The following PI4K2B variants were observed in gnomAD, a reference collection of about 807,000 sequenced individuals.
PI4K2B encodes the protein phosphatidylinositol 4-kinase type 2 beta.
PI4K2B carries 46 observed loss-of-function variants against 56.6 expected under a neutral mutation model. The observed-to-expected ratio is 0.81, with a 90% CI of 0.64 to 1.04. The LOEUF (loss-of-function observed/expected upper bound fraction) is 1.04, where lower values mean the gene tolerates loss of function less well. Ranked by LOEUF, PI4K2B falls within the 50% of genes least tolerant of loss-of-function variation. The probability of loss-of-function intolerance (pLI) is 0.00; values close to 1 mark genes in which losing one functional copy is unlikely to be tolerated. For synonymous variants in PI4K2B, 211 were observed against 223.8 expected (o/e 0.94, Z 0.51); for missense variants, 556 against 607.7 (o/e 0.91, Z 0.89).
intron 1 of PI4K2B, among the ~76,000 whole-genome samples, chr4:25,245,120 A>G (rs1019553406): frequency 2.6e-5 from 4 of 152,156 alleles, no homozygotes; most frequent in Non-Finnish European, 4.4e-5. Flanking sequence ...TAGGCCTATT[A>G]GTCTGAGGAG....
At chr4:25,253,499 T>G (rs1216784915) in intron 2 of PI4K2B, among the ~76,000 whole-genome samples, 1 of 152,232 alleles carries the variant, frequency 6.6e-6, no homozygotes, top group African/African-American at 2.4e-5. Context: ...AAGATTAAAA[T>G]GTATTTGAAG....
Position 25,260,504 on chromosome 4 carries a change from TTTC to T in PI4K2B, c.911-17_911-15del. The T allele has an allele frequency of 8.1e-7, 1 of 1,236,278 alleles. No individual in the cohort carries two copies. The highest frequency in any genetic ancestry group is 1.1e-6 in the Non-Finnish European group (1 of 901,740). 76.6% of individuals were successfully genotyped at this position (1,236,278 alleles called of 1,614,324 possible). A position where few individuals can be genotyped will look rare whatever the true frequency, so the allele number is the denominator to read the frequency against. On this transcript the variant is annotated splice_polypyrimidine_tract_variant and intron_variant, in intron 5 of 9. Coordinates refer to ENST00000264864, the MANE Select transcript of PI4K2B (RefSeq NM_018323.4). ...TGTCCATAGAAATGAAGTAACAGAT[TTTC>T]TTGTTTGTTTTGAAAGACAGGGGCA...
chr4:25,234,544 C>T, intron 1 of PI4K2B, 113 bp downstream of exon 1: 1 of 736,130 alleles, frequency 1.4e-6, no homozygotes, highest in Non-Finnish European at 1.9e-6. Context: ...TTTCCCCGCT[C>T]GCTGGGCAGC....
chr4:25,237,381 G>A (rs1715309858), intron 1 of PI4K2B, among the ~76,000 whole-genome samples: 1 of 151,528 alleles, frequency 6.6e-6, no homozygotes, highest in African/African-American at 2.4e-5. Context: ...GGCTGTAGGG[G>A]TGGCAGTGGG....
At chr4:25,258,784 T>G (rs1043327894) in intron 4 of PI4K2B, among the ~76,000 whole-genome samples, 1 of 152,184 alleles carries the variant, frequency 6.6e-6, no homozygotes, top group Admixed American at 6.5e-5. Context: ...TTTTTAAATT[T>G]TCCCAAAATA....
intron 2 of PI4K2B, among the ~76,000 whole-genome samples, chr4:25,254,750 A>G (rs114932377): frequency 0.011 from 1,673 of 152,296 alleles, 34 homozygotes; most frequent in African/African-American, 0.038. Flanking sequence ...CCAGCAATAT[A>G]AAACAGGTGA....
rs1716271626 is a variant in PI4K2B, at chr4:25,256,610, A to T, written c.692A>T (p.Lys231Met). The change falls in exon 4 of 10, where the codon AAG (lysine) becomes ATG (methionine). Residue 231 changes from lysine to methionine, a missense_variant. Physicochemically the swap from Lys to Met is moderately conservative, Grantham distance 95 (BLOSUM62 -1). Transcript: ENST00000264864. ...GACCGTGCAAAATCAAGAGGCAAAAAGTATGCTTTAGAAAAAGTGCCAAAA... is the reference window on the plus strand; with the variant it reads ...GACCGTGCAAAATCAAGAGGCAAAATGTATGCTTTAGAAAAAGTGCCAAAA... ...AIDRAKSRGK[K>M]YALEKVPKVG... is the part of the protein sequence containing the mutation. 9.3e-6 allele frequency: 15 copies of T among 1,613,958 alleles called. No individual in the cohort carries two copies. The highest frequency in any genetic ancestry group is 1.3e-5 in the Non-Finnish European group (15 of 1,179,886).
At chr4:25,245,833 G>T (rs1715744256) in intron 1 of PI4K2B, among the ~76,000 whole-genome samples, 1 of 151,994 alleles carries the variant, frequency 6.6e-6, no homozygotes, top group Non-Finnish European at 1.5e-5. Flanking sequence ...TAGTCCCTTT[G>T]TTTAGCAATG....
chr4:25,278,741 TAA>T lies in PI4K2B; in HGVS notation c.*1555_*1556del, dbSNP rs766926302. On this transcript the variant is annotated 3_prime_UTR_variant, in exon 10 of 10. Transcript: ENST00000264864. ...AAATGTGCCTTTTGAAGATGTTTTC[TAA>T]GAGAAAGGAAATACGTTGCAGTGAT... 2.6e-5 allele frequency: 4 copies of T among 152,684 alleles called. No homozygotes were observed. Among genetic ancestry groups the T allele is most frequent in the Non-Finnish European group, 5.9e-5 (4 of 68,042 alleles). 9.5% of individuals were successfully genotyped at this position (152,684 alleles called of 1,614,324 possible).
At chr4:25,245,107 T>C (rs1361269478) in intron 1 of PI4K2B, among the ~76,000 whole-genome samples, 2 of 152,304 alleles carry the variant, frequency 1.3e-5, no homozygotes, top group East Asian at 3.9e-4. Flanking sequence ...GAATAGCTTT[T>C]GTTAGGCCTA....
In PI4K2B at chr4:25,277,134, A is replaced by G. The variant is rs1170442936; in HGVS notation, c.1393A>G (p.Asn465Asp). The change falls in exon 10 of 10, where the codon AAT (asparagine) becomes GAT (aspartate). Residue 465 changes from asparagine (N) to aspartate (D), a missense_variant. Asn to Asp is a conservative substitution (Grantham distance 23, BLOSUM62 1). Transcript: ENST00000264864. ...GSQGRIVHLS[N>D]SFTQTVNCRK... ...TCAGGGTCGGATTGTCCACCTGAGC[A>G]ATTCCTTTACCCAGACTGTCAATTG... 3 of 1,613,948 alleles carry G rather than the reference A, an allele frequency of 1.9e-6. No homozygotes were observed. Among genetic ancestry groups the G allele is most frequent in the Non-Finnish European group, 2.5e-6 (3 of 1,179,876 alleles).
chr4:25,273,137 T>G (rs910453264), intron 9 of PI4K2B, among the ~76,000 whole-genome samples: 7 of 152,178 alleles, frequency 4.6e-5, no homozygotes, highest in South Asian at 2.1e-4. Context: ...AAAGTTTTTT[T>G]TTTTTAATTC....
Position 25,253,222 on chromosome 4 carries a change from G to A in PI4K2B, c.423+747G>A, listed in dbSNP as rs535625925. On this transcript the variant is annotated intron_variant, in intron 2 of 9. Transcript: ENST00000264864. ...CATTTTACCAGGGGAAGGAGGCTTA[G>A]CAATCTGAAGCTTGAAAGTATTGGA... Among the ~76,000 whole-genome samples the A allele has an allele frequency of 6.6e-5, 10 of 152,282 alleles. No homozygotes were observed. In the South Asian group the frequency reaches 1.9e-3, roughly 28 times the overall value.
chr4:25,242,976 A>G lies in PI4K2B; in HGVS notation c.268+8545A>G, dbSNP rs1014545724. On this transcript the variant is annotated intron_variant, in intron 1 of 9. Transcript: ENST00000264864. The stretch of plus-strand genomic sequence containing the variant: ...GACTTTCAGGCATAACAAGAAATGC[A>G]TGTGAAAAGAGCAAAGTCTCCCAAT... Among the ~76,000 whole-genome samples the G allele has an allele frequency of 1.3e-5, 2 of 152,342 alleles. 1 individual carries two copies. The highest frequency in any genetic ancestry group is 1.3e-4 in the Admixed American group (2 of 15,300).
In PI4K2B at chr4:25,275,337, T is replaced by C. The variant is rs540752326; in HGVS notation, c.1273-1677T>C. On this transcript the variant is annotated intron_variant, in intron 9 of 9. Coordinates refer to ENST00000264864, the MANE Select transcript of PI4K2B (RefSeq NM_018323.4). ...AAACTCAAATTTCATAAATTCTTTT[T>C]TTCTTGTTATCCAAATGTAGTCAAT... 3.9e-5 allele frequency among the ~76,000 whole-genome samples: 6 copies of C among 152,336 alleles called. No homozygotes were observed. In the South Asian group the frequency reaches 8.3e-4, roughly 21 times the overall value.
intron 6 of PI4K2B, among the ~76,000 whole-genome samples, chr4:25,262,230 A>G (rs1181149757): frequency 6.6e-6 from 1 of 152,188 alleles, no homozygotes; most frequent in Non-Finnish European, 1.5e-5. Context: ...GGTCCCAGCT[A>G]TTCGGGAGGC....
chr4:25,266,287 C>A (rs965742208), intron 7 of PI4K2B, among the ~76,000 whole-genome samples: 5 of 152,236 alleles, frequency 3.3e-5, no homozygotes, highest in African/African-American at 1.2e-4. Flanking sequence ...CTGCCTCAGC[C>A]TCTCAAGTAG....
At chr4:25,259,818 A>T (rs1338911611) in intron 5 of PI4K2B, among the ~76,000 whole-genome samples, 2 of 152,210 alleles carry the variant, frequency 1.3e-5, no homozygotes, top group Non-Finnish European at 2.9e-5. Flanking sequence ...CACGGGTTGG[A>T]TAAGCTTGAT....
chr4:25,269,962 C>T (rs913794038), intron 9 of PI4K2B, among the ~76,000 whole-genome samples: 2 of 152,018 alleles, frequency 1.3e-5, no homozygotes, highest in African/African-American at 2.4e-5. Flanking sequence ...GTGATCTGCC[C>T]GCCTCAGCCT....
Sources: gnomAD v4.1 joint callset for allele counts (sites outside exome capture counted in the v4.1 genomes callset) on GRCh38, gnomAD v4.1.1 for gene constraint, MANE v1.5 for transcripts, NCBI Gene and HGNC (gene_info 2026-07-23, HGNC 2026-07-21) for gene names.